UGGT2: variants seen among roughly 807,000 people sequenced by gnomAD.
UGGT2 encodes UDP-glucose:glycoprotein glucosyltransferase 2.
In UGGT2, 180 loss-of-function variants were observed where a neutral mutation model predicts 192.1. The observed-to-expected ratio is 0.94, with a 90% CI of 0.83 to 1.06. The LOEUF is 1.06. UGGT2 is among the 50% of genes least tolerant of loss of function. The pLI is 0.00. For synonymous variants in UGGT2, 580 were observed against 591.0 expected, an observed-to-expected ratio of 0.98 and a Z score of 0.27; for missense variants, 1,849 against 1,795.7, an observed-to-expected ratio of 1.03 and a Z score of -0.54.
intron 37 of UGGT2, among the ~76,000 whole-genome samples, chr13:95,835,208 G>C (rs2139898882): frequency 6.6e-6 from 1 of 152,264 alleles, no homozygotes; most frequent in Admixed American, 6.5e-5. Flanking sequence ...TACTGCACTG[G>C]AAGAAGCAGT....
At chr13:95,967,475 T>C (rs1566770579) in intron 12 of UGGT2, among the ~76,000 whole-genome samples, 1 of 60,442 alleles carries the variant, frequency 1.7e-5, no homozygotes, top group Non-Finnish European at 3.1e-5. Context: ...CCAACTTTTT[T>C]GTTTTTTTTT....
At chr13:95,837,979 A>G (rs1161438414) in intron 36 of UGGT2, among the ~76,000 whole-genome samples, 1 of 152,222 alleles carries the variant, frequency 6.6e-6, no homozygotes, top group Non-Finnish European at 1.5e-5. Context: ...AAGACAAGAA[A>G]AGGAAAATGT....
chr13:95,898,399 A>G (rs1197496807), intron 22 of UGGT2, among the ~76,000 whole-genome samples: 1 of 152,012 alleles, frequency 6.6e-6, no homozygotes, highest in East Asian at 1.9e-4. Context: ...CTATTCTTAG[A>G]ATAGCAGACA....
At chr13:95,901,428 A>G (rs1310169373) in intron 21 of UGGT2, among the ~76,000 whole-genome samples, 1 of 152,164 alleles carries the variant, frequency 6.6e-6, no homozygotes, top group Non-Finnish European at 1.5e-5. Flanking sequence ...GTAAAAAAAT[A>G]TATGGACATT....
intron 33 of UGGT2, chr13:95,856,720 C>A (rs1184963158): frequency 2.7e-6 from 1 of 373,824 alleles, no homozygotes; most frequent in Non-Finnish European, 5.0e-6. Context: ...TATATGTCAA[C>A]AGGTTGGTTG....
chr13:95,942,221 G>GGTGTGTGTGTGTGTGT lies in UGGT2; in HGVS notation c.1678-2146_1678-2131dup, dbSNP rs370041064. Among the ~76,000 whole-genome samples the GGTGTGTGTGTGTGTGT allele has an allele frequency of 7.3e-4, 86 of 118,072 alleles. 1 individual carries two copies. Among genetic ancestry groups the GGTGTGTGTGTGTGTGT allele is most frequent in the African/African-American group, 1.7e-3 (54 of 31,412 alleles). The allele number at this position is 118,072 out of a possible 152,430, so 77.5% of individuals were successfully genotyped here. A position where few individuals can be genotyped will look rare whatever the true frequency, so the allele number is the denominator to read the frequency against. On this transcript the variant is annotated intron_variant, in intron 15 of 38. Coordinates refer to ENST00000376747, the MANE Select transcript of UGGT2 (RefSeq NM_020121.4). The stretch of plus-strand genomic sequence containing the variant: ...GTACAAGAGCTTCTCTTAGGGTGAG[G>GGTGTGTGTGTGTGTGT]GTGTGTGTGTGTGTGTGTGTGTGTG...
At chr13:95,979,625 T>G (rs1460917836) in intron 10 of UGGT2, among the ~76,000 whole-genome samples, 1 of 151,636 alleles carries the variant, frequency 6.6e-6, no homozygotes, top group Non-Finnish European at 1.5e-5. Context: ...AGTTTAATTC[T>G]GATCTGTATT....
intron 12 of UGGT2, among the ~76,000 whole-genome samples, chr13:95,956,751 G>A (rs953439458): frequency 3.3e-5 from 5 of 152,232 alleles, no homozygotes; most frequent in African/African-American, 4.8e-5. Context: ...TGTAACAGCT[G>A]TGAAAAACAG....
chr13:95,921,022 A>C (rs1472483056), intron 20 of UGGT2, among the ~76,000 whole-genome samples: 1 of 152,198 alleles, frequency 6.6e-6, no homozygotes, highest in Non-Finnish European at 1.5e-5. Context: ...CATAAAATGG[A>C]ATGAAATCAC....
chr13:95,805,137 T>C (rs1333326574), intron 38 of UGGT2, among the ~76,000 whole-genome samples: 1 of 152,030 alleles, frequency 6.6e-6, no homozygotes, highest in Non-Finnish European at 1.5e-5. Context: ...AACTTGAATA[T>C]ACATTTCTTC....
At chr13:96,037,228 T>C (rs777295523) in intron 1 of UGGT2, among the ~76,000 whole-genome samples, 3 of 152,196 alleles carry the variant, frequency 2.0e-5, no homozygotes, top group Non-Finnish European at 4.4e-5. Context: ...AGCCAGAGTC[T>C]TGCTCTGTCG....
At chr13:96,031,148 G>T (rs185670627) in intron 2 of UGGT2, among the ~76,000 whole-genome samples, 44 of 152,218 alleles carry the variant, frequency 2.9e-4, no homozygotes, top group Admixed American at 2.4e-3. Flanking sequence ...ATGTGTAGGG[G>T]AAGGGGGAAT....
chr13:95,996,846 A>C (rs1021175118), intron 6 of UGGT2, among the ~76,000 whole-genome samples: 1 of 152,218 alleles, frequency 6.6e-6, no homozygotes, highest in Non-Finnish European at 1.5e-5. Context: ...ACATTTAGAA[A>C]GACACCAAAA....
rs771818073 is a variant in UGGT2, at chr13:95,927,243, G to A, written c.2071C>T (p.Gln691Ter). Reference protein sequence around the residue: ...RINTLILRTNQQYLNLISTSV... With the variant: ...RINTLILRTN ...GTAGATATTAAATTGAGGTACTGCTGGTTAGTACGCAAAATCAAAGTATTT... is the reference window on the plus strand; with the variant it reads ...GTAGATATTAAATTGAGGTACTGCTAGTTAGTACGCAAAATCAAAGTATTT... The change falls in exon 18 of 39, where the codon CAG (glutamine) becomes TAG (stop). Residue 691 changes from glutamine (Q) to a stop codon, truncating the protein, a stop_gained. Coordinates refer to ENST00000376747, the MANE Select transcript of UGGT2 (RefSeq NM_020121.4). LOFTEE classifies it high-confidence loss of function. The A allele has an allele frequency of 1.2e-6, 2 of 1,611,896 alleles. No homozygotes were observed. Among genetic ancestry groups the A allele is most frequent in the East Asian group, 2.2e-5 (1 of 44,730 alleles).
intron 38 of UGGT2, among the ~76,000 whole-genome samples, chr13:95,829,386 G>T (rs145335983): frequency 0.015 from 2,214 of 152,274 alleles, 58 homozygotes; most frequent in African/African-American, 0.051. Flanking sequence ...AATTGTCCCT[G>T]TTTGCAGATG....
At chr13:95,961,153 C>T (rs1014060633) in intron 12 of UGGT2, among the ~76,000 whole-genome samples, 3 of 151,764 alleles carry the variant, frequency 2.0e-5, no homozygotes, top group Non-Finnish European at 1.5e-5. Flanking sequence ...TACAGAAAAC[C>T]AACAAGACAC....
chr13:95,930,697 C>T (rs923053493), intron 17 of UGGT2, among the ~76,000 whole-genome samples: 12 of 151,970 alleles, frequency 7.9e-5, no homozygotes, highest in Non-Finnish European at 1.6e-4. Context: ...ATACTGTGTC[C>T]GGAATTGGTG....
intron 38 of UGGT2, among the ~76,000 whole-genome samples, chr13:95,813,648 G>C (rs1331405385): frequency 6.6e-6 from 1 of 152,192 alleles, no homozygotes. Flanking sequence ...GCAAGCTGTG[G>C]AGCAACCACT....
chr13:95,963,936 TA>T (rs1219781146), intron 12 of UGGT2, among the ~76,000 whole-genome samples: 2 of 152,148 alleles, frequency 1.3e-5, no homozygotes, highest in Non-Finnish European at 2.9e-5. Context: ...AAGCAATCTA[TA>T]GATTCAATGC....
Sources: allele counts gnomAD v4.1 joint callset (sites outside exome capture counted in the v4.1 genomes callset), GRCh38; gene constraint gnomAD v4.1.1; transcripts MANE v1.5; gene names NCBI Gene and HGNC (gene_info 2026-07-23, HGNC 2026-07-21).